Variants in PPFIA3 observed in about 807,000 individuals in gnomAD.
PPFIA3 encodes the protein liprin-alpha-3.
Under a neutral mutation model 145.8 loss-of-function variants are expected in PPFIA3, and 26 were observed. That is an observed-to-expected ratio of 0.18 (90% CI 0.13 to 0.25). The LOEUF is 0.25. Ranked by LOEUF, PPFIA3 falls within the 10% of genes least tolerant of loss-of-function variation. PPFIA3 has a pLI of 1.00. For synonymous variants in PPFIA3, 645 were observed against 661.4 expected (o/e 0.98, Z 0.38); for missense variants, 1,008 against 1,587.8 (o/e 0.63, Z 6.21).
rs1421618442 is a variant in PPFIA3, at chr19:49,139,791, C to A, written c.2200C>A (p.Gln734Lys). ...GAGAATGACCCAGGCCTTGGCACTGCAGGCGGGGTCCCTGGAAGATGGGGG... is the reference window on the plus strand; with the variant it reads ...GAGAATGACCCAGGCCTTGGCACTGAAGGCGGGGTCCCTGGAAGATGGGGG... ...LERMTQALAL[Q>K]AGSLEDGGPP... The change falls in exon 17 of 30, where the codon CAG becomes AAG. Residue 734 changes from glutamine to lysine, a missense_variant. Around this residue, in one of 11 missense-constraint regions of PPFIA3, gnomAD observed 202 missense variants for 241.8 expected, o/e 0.84. Transcript: ENST00000334186. 2 of 1,612,726 alleles carry A rather than the reference C, an allele frequency of 1.2e-6. No individual in the cohort carries two copies. Among genetic ancestry groups the A allele is most frequent in the Admixed American group, 1.7e-5 (1 of 59,934 alleles).
At chr19:49,124,839 G>T (rs562315325) in intron 1 of PPFIA3, among the ~76,000 whole-genome samples, 17 of 152,250 alleles carry the variant, frequency 1.1e-4, no homozygotes, top group African/African-American at 3.4e-4. Context: ...GCCGAGGCGG[G>T]TGGATCACGA....
chr19:49,125,891 A>G (rs2040990720), intron 1 of PPFIA3, among the ~76,000 whole-genome samples: 1 of 151,078 alleles, frequency 6.6e-6, no homozygotes, highest in South Asian at 2.1e-4. Flanking sequence ...AAGAGGGTGA[A>G]GAAGTGACAA....
At chr19:49,136,650 G>C in intron 14 of PPFIA3, 74 bp from the exon 15 acceptor site, 1 of 1,074,404 alleles carries the variant, frequency 9.3e-7, no homozygotes, top group Non-Finnish European at 1.2e-6. Context: ...GGCAAGTCAG[G>C]ATCATGAGCC....
chr19:49,140,142 T>A, intron 18 of PPFIA3, 54 bp downstream of exon 18: 1 of 1,568,986 alleles, frequency 6.4e-7, no homozygotes, highest in Non-Finnish European at 8.7e-7. Context: ...CCTTCCTCCC[T>A]CCCTTTCTTT....
At chr19:49,144,489 C>T (rs1293388463) in intron 21 of PPFIA3, among the ~76,000 whole-genome samples, 3 of 151,928 alleles carry the variant, frequency 2.0e-5, no homozygotes, top group Non-Finnish European at 4.4e-5. Flanking sequence ...TTTGGATGGC[C>T]GATCTCTTGA....
rs1380221847 is a variant in PPFIA3 at position 49,136,709 on chromosome 19, C to G, written c.1666-15C>G. On this transcript the variant is annotated splice_polypyrimidine_tract_variant and intron_variant, in intron 14 of 29. Coordinates refer to ENST00000334186, the MANE Select transcript of PPFIA3 (RefSeq NM_003660.4). ...CCCAGCCACCTAATGTCCCTCTGTC[C>G]CCACACAGGGATAGGATTGGGAGCG... is the stretch of plus-strand genomic sequence containing the variant. 1 of 1,425,332 alleles carries G rather than the reference C, an allele frequency of 7.0e-7. No individual in the cohort carries two copies. The highest frequency in any genetic ancestry group is 1.4e-5 in the African/African-American group (1 of 70,884). The allele number at this position is 1,425,332 out of a possible 1,614,324, so 88.3% of individuals were successfully genotyped here. A position where few individuals can be genotyped will look rare whatever the true frequency, so the allele number is the denominator to read the frequency against.
At chr19:49,140,226 C>A in intron 18 of PPFIA3, 138 bp downstream of exon 18, 1 of 1,170,082 alleles carries the variant, frequency 8.5e-7, no homozygotes, top group Non-Finnish European at 1.2e-6. Context: ...TTGGAAGGAA[C>A]ACAGCTTGCC....
rs140750186 is a variant in PPFIA3 at position 49,136,679 on chromosome 19, C to T, written c.1666-45C>T. On this transcript the variant is annotated intron_variant, in intron 14 of 29. Transcript: ENST00000334186. ...ATGAGCCAAGACCCAGCGCCAACCT[C>T]GGCCCCCAGCCACCTAATGTCCCTC... 3.5e-4 allele frequency: 469 copies of T among 1,339,404 alleles called. 1 individual carries two copies. In the African/African-American group the frequency reaches 5.9e-3, roughly 17 times the overall value. 83.0% of individuals were successfully genotyped at this position (1,339,404 alleles called of 1,614,324 possible).
chr19:49,130,419 G>C lies in PPFIA3; in HGVS notation c.699G>C (p.Arg233=). The C allele has an allele frequency of 6.2e-7, 1 of 1,610,614 alleles. No individual in the cohort carries two copies. Among genetic ancestry groups the C allele is most frequent in the Non-Finnish European group, 8.5e-7 (1 of 1,178,736 alleles). ...NGLGPGGDSN[R]RTAELEEALE... ...TGGGTCCTGGCGGGGATTCCAACCG[G>C]CGCACAGCAGAGCTGGAGGAGGCCC... is the stretch of plus-strand genomic sequence containing the variant. Residue 233 remains arginine (R), a synonymous_variant, in exon 7 of 30, where the codon CGG becomes CGC. Transcript: ENST00000334186. The surrounding 1 kb of genome is among the most constrained non-coding windows in gnomAD (Gnocchi z 4.5).
chr19:49,122,761 T>A (rs2040952240), intron 1 of PPFIA3, among the ~76,000 whole-genome samples: 1 of 140,942 alleles, frequency 7.1e-6, no homozygotes, highest in Non-Finnish European at 1.5e-5. Context: ...TCACTCTGTC[T>A]CCCAGGCTGG....
chr19:49,134,275 A>AC lies in PPFIA3; in HGVS notation c.1377+114dup. On this transcript the variant is annotated intron_variant, in intron 11 of 29. Coordinates refer to ENST00000334186, the MANE Select transcript of PPFIA3 (RefSeq NM_003660.4). ...GATCTGTTATCGGAGGCCTCCCTAA[A>AC]CCCCGGCATCCTGAGTTGGGCAGCC... is the stretch of plus-strand genomic sequence containing the variant. The AC allele has an allele frequency of 2.2e-6, 3 of 1,394,362 alleles. No homozygotes were observed. The East Asian group carries it at 7.0e-5, about 33-fold the overall frequency. The allele number at this position is 1,394,362 out of a possible 1,614,324, so 86.4% of individuals were successfully genotyped here. A position where few individuals can be genotyped will look rare whatever the true frequency, so the allele number is the denominator to read the frequency against.
chr19:49,149,788 C>A lies in PPFIA3; in HGVS notation c.3526+70C>A. Reference sequence around the variant, plus strand: ...GTGGGGCATGGACCACCTCAGTAGTCCGGGTTCTGGAATGGCCTAGTCCTT... The same window carrying A: ...GTGGGGCATGGACCACCTCAGTAGTACGGGTTCTGGAATGGCCTAGTCCTT... On this transcript the variant is annotated intron_variant, in intron 28 of 29. Coordinates refer to ENST00000334186, the MANE Select transcript of PPFIA3 (RefSeq NM_003660.4). This position sits in a 1 kb window ranked among gnomAD's most constrained non-coding sequence, Gnocchi z 5.7. 6.6e-7 allele frequency: 1 copy of A among 1,521,614 alleles called. No individual in the cohort carries two copies. The highest frequency in any genetic ancestry group is 1.3e-5 in the South Asian group (1 of 77,478). 94.3% of individuals were successfully genotyped at this position (1,521,614 alleles called of 1,614,324 possible). A position where few individuals can be genotyped will look rare whatever the true frequency, so the allele number is the denominator to read the frequency against.
intron 23 of PPFIA3, chr19:49,146,421 A>T: frequency 1.7e-6 from 1 of 599,206 alleles, no homozygotes; most frequent in Non-Finnish European, 2.9e-6. Flanking sequence ...TTATGCATGG[A>T]CCATTTCATC....
At chr19:49,127,270 T>C (rs2122538949) in intron 1 of PPFIA3, among the ~76,000 whole-genome samples, 2 of 149,698 alleles carry the variant, frequency 1.3e-5, no homozygotes, top group South Asian at 4.2e-4. Flanking sequence ...TAATCCCAGC[T>C]ACTCGGGAGG....
At position 49,149,274 on chromosome 19, in the gene PPFIA3, G is replaced by A. The variant is rs1213657043; in HGVS notation, c.3303G>A (p.Glu1101=). 1.2e-6 allele frequency: 2 copies of A among 1,614,080 alleles called. No homozygotes were observed. Among genetic ancestry groups the A allele is most frequent in the Admixed American group, 1.7e-5 (1 of 60,004 alleles). ...TQNAQARQLL[E]KEFSNLISLG... is the part of the protein sequence containing the mutation. Reference sequence around the variant, plus strand: ...CTTTCCAGGCCCGGCAGCTTCTGGAGAAGGAATTCAGCAACCTTATCTCCT... The same window carrying A: ...CTTTCCAGGCCCGGCAGCTTCTGGAAAAGGAATTCAGCAACCTTATCTCCT... The change falls in exon 27 of 30, where the codon GAG becomes GAA. Residue 1101 remains glutamate, a synonymous_variant. Transcript: ENST00000334186. The surrounding 1 kb of genome is among the most constrained non-coding windows in gnomAD (Gnocchi z 5.7).
intron 23 of PPFIA3, among the ~76,000 whole-genome samples, chr19:49,146,585 C>A (rs1361787668): frequency 6.6e-6 from 1 of 152,150 alleles, no homozygotes; most frequent in Non-Finnish European, 1.5e-5. Context: ...GGTGGTGAGG[C>A]AGCCAGGCTG....
intron 21 of PPFIA3, among the ~76,000 whole-genome samples, chr19:49,145,530 T>C (rs996458399): frequency 5.9e-5 from 9 of 152,134 alleles, no homozygotes; most frequent in African/African-American, 2.2e-4. Flanking sequence ...TTTTTATCCT[T>C]GTATGGATTC....
intron 5 of PPFIA3, 21 bp downstream of exon 5, chr19:49,129,475 G>A (rs142258326): frequency 2.3e-5 from 35 of 1,551,224 alleles, no homozygotes; most frequent in African/African-American, 8.2e-5. Context: ...GGCCAAGACA[G>A]GGAATTTGAA....
chr19:49,144,932 CT>C lies in PPFIA3; in HGVS notation c.2746-995del, dbSNP rs1228634412. 7.7e-3 allele frequency among the ~76,000 whole-genome samples: 1,049 copies of C among 136,386 alleles called. 5 individuals carry two copies. Among genetic ancestry groups the C allele is most frequent in the African/African-American group, 0.023 (860 of 36,878 alleles). The allele number at this position is 136,386 out of a possible 152,430, so 89.5% of individuals were successfully genotyped here. The stretch of plus-strand genomic sequence containing the variant: ...AATTTCTTTTTCTTTTCTTTTCTTT[CT>C]TTTTTTTTTTTTTTTGAGATGGAGT... On this transcript the variant is annotated intron_variant, in intron 21 of 29. Transcript: ENST00000334186.
Sources: allele counts gnomAD v4.1 joint callset (sites outside exome capture counted in the v4.1 genomes callset), GRCh38; gene constraint gnomAD v4.1.1; regional missense constraint gnomAD v4.1.1; non-coding constraint Gnocchi (gnomAD v3.1); transcripts MANE v1.5; gene names NCBI Gene and HGNC (gene_info 2026-07-23, HGNC 2026-07-21).